The following SYT12 variants were observed in gnomAD, a reference collection of about 807,000 sequenced individuals.
SYT12 encodes the protein synaptotagmin-12.
In SYT12, 27 loss-of-function variants were observed where a neutral mutation model predicts 39.5. The ratio of observed to expected loss-of-function variants is 0.68; its 90% CI spans 0.50 to 0.94. The LOEUF is 0.94. SYT12 is among the 40% of genes least tolerant of loss of function. The probability of loss-of-function intolerance (pLI) is 0.00; values close to 1 mark genes in which losing one functional copy is unlikely to be tolerated. For missense variants in SYT12, 536 were observed against 572.6 expected (o/e 0.94, Z 0.65); for synonymous variants, 233 against 239.7 (o/e 0.97, Z 0.26).
intron 4 of SYT12, 103 bp from the exon 5 acceptor site, chr11:67,043,533 CAG>C: frequency 9.4e-7 from 1 of 1,066,014 alleles, no homozygotes. Context: ...GTCAAGACAA[CAG>C]AGCCAGGACT....
At chr11:67,048,432 C>T in intron 7 of SYT12, 152 bp from the exon 8 acceptor site, 3 of 727,464 alleles carry the variant, frequency 4.1e-6, no homozygotes, top group Non-Finnish European at 4.3e-6. Flanking sequence ...TGACCTGGGG[C>T]AAGTCTCCTC....
At chr11:67,031,037 AC>A (rs1950256897) in intron 2 of SYT12, 1 of 151,966 alleles carries the variant, frequency 6.6e-6, no homozygotes, top group Non-Finnish European at 1.5e-5. Context: ...CCCGGGAATC[AC>A]CTTTCCCATC....
At position 67,048,827 on chromosome 11, in the gene SYT12, C is replaced by T; in HGVS notation, c.*70C>T. On this transcript the variant is annotated 3_prime_UTR_variant, in exon 8 of 8. Coordinates refer to ENST00000527043, the MANE Select transcript of SYT12 (RefSeq NM_177963.4). ...TACCCACTCAGCTCTGTCTGATGCC[C>T]TCTCCATAGCCCAGCTGGAGCCGTG... 1.7e-5 allele frequency: 26 copies of T among 1,519,722 alleles called. No individual in the cohort carries two copies. The highest frequency in any genetic ancestry group is 2.2e-5 in the Non-Finnish European group (25 of 1,124,078). 94.1% of individuals were successfully genotyped at this position (1,519,722 alleles called of 1,614,324 possible). A position where few individuals can be genotyped will look rare whatever the true frequency, so the allele number is the denominator to read the frequency against.
At chr11:67,017,461 G>C (rs1481059142) in intron 3 of SYT12, among the ~76,000 whole-genome samples, 4 of 151,690 alleles carry the variant, frequency 2.6e-5, no homozygotes, top group Non-Finnish European at 4.4e-5. Flanking sequence ...CTGGGTTCAA[G>C]TGATTCTTCT....
chr11:67,049,463 T>C lies in SYT12; in HGVS notation c.*706T>C, dbSNP rs922229787. On this transcript the variant is annotated 3_prime_UTR_variant, in exon 8 of 8. Transcript: ENST00000527043. The stretch of plus-strand genomic sequence containing the variant: ...GCCACGTGGAACACTGGCTCCGGAG[T>C]TATTCTCTGTCAAATCTACTCCCCG... 6.6e-6 allele frequency: 1 copy of C among 151,872 alleles called. No individual in the cohort carries two copies. Among genetic ancestry groups the C allele is most frequent in the Non-Finnish European group, 1.5e-5 (1 of 67,998 alleles). The allele number at this position is 151,872 out of a possible 1,614,324, so 9.4% of individuals were successfully genotyped here.
upstream of SYT12, among the ~76,000 whole-genome samples, chr11:67,019,270 C>T (rs538339879): frequency 1.3e-5 from 2 of 151,948 alleles, no homozygotes; most frequent in Admixed American, 6.6e-5. Context: ...GTCGGAAGCT[C>T]GAGACCAGCC....
At chr11:67,036,315 A>G (rs1950379910) in intron 3 of SYT12, among the ~76,000 whole-genome samples, 1 of 152,144 alleles carries the variant, frequency 6.6e-6, no homozygotes, top group Admixed American at 6.5e-5. Flanking sequence ...TCTTTTTTGT[A>G]CATGTGCCAT....
chr11:67,023,991 G>A (rs1055165676), intron 1 of SYT12, among the ~76,000 whole-genome samples: 2 of 152,180 alleles, frequency 1.3e-5, no homozygotes, highest in African/African-American at 4.8e-5. Flanking sequence ...CTGAGTGGGG[G>A]GCTTTCCAGA....
At chr11:67,037,545 T>C (rs902275129) in intron 3 of SYT12, among the ~76,000 whole-genome samples, 6 of 145,054 alleles carry the variant, frequency 4.1e-5, no homozygotes, top group African/African-American at 1.5e-4. Context: ...ATCTCATCTC[T>C]ACCAAAATAA....
intron 3 of SYT12, among the ~76,000 whole-genome samples, chr11:67,036,997 C>G (rs1425745020): frequency 6.6e-6 from 1 of 152,162 alleles, no homozygotes; most frequent in Non-Finnish European, 1.5e-5. Context: ...TGCTTGAACC[C>G]AGAAGGTGGA....
chr11:67,048,360 A>G (rs1054056088), intron 7 of SYT12, among the ~76,000 whole-genome samples: 2 of 151,858 alleles, frequency 1.3e-5, no homozygotes, highest in Non-Finnish European at 2.9e-5. Context: ...GGAGGCAGCA[A>G]GAGAAACCTG....
chr11:67,033,952 C>T (rs550822511), intron 2 of SYT12, among the ~76,000 whole-genome samples: 1 of 152,272 alleles, frequency 6.6e-6, no homozygotes, highest in African/African-American at 2.4e-5. Context: ...GACTCATCAG[C>T]AGAGCAAAAG....
intron 3 of SYT12, among the ~76,000 whole-genome samples, chr11:67,038,902 GC>G (rs940330765): frequency 6.6e-6 from 1 of 152,000 alleles, no homozygotes; most frequent in African/African-American, 2.4e-5. Flanking sequence ...CAGGAGAATT[GC>G]TTGAACCCAG....
intron 1 of SYT12, among the ~76,000 whole-genome samples, chr11:67,024,925 C>T (rs116457147): frequency 0.01 from 1,527 of 152,278 alleles, 30 homozygotes; most frequent in African/African-American, 0.034. Context: ...CCCTCTCCCC[C>T]GCCGAGGCAC....
At chr11:67,016,502 C>G (rs1291882279) in intron 3 of SYT12, among the ~76,000 whole-genome samples, 3 of 152,152 alleles carry the variant, frequency 2.0e-5, no homozygotes, top group Admixed American at 6.5e-5. Context: ...AGATGTAAAT[C>G]ACTTCTCGGC....
At position 67,045,872 on chromosome 11, in the gene SYT12, C is replaced by T. The variant is rs765290492; in HGVS notation, c.1087C>T (p.Leu363Phe). The change falls in exon 7 of 8, where the codon CTC becomes TTC. Residue 363 changes from leucine (L) to phenylalanine (F), a missense_variant. Physicochemically the swap from Leu to Phe is conservative, Grantham distance 22. Transcript: ENST00000527043. Reference sequence around the variant, plus strand: ...GATCTTCTCGGTGCCAGCCATTGTGCTCCAGGTGAGGGGGGCTGGGGGATG... The same window carrying T: ...GATCTTCTCGGTGCCAGCCATTGTGTTCCAGGTGAGGGGGGCTGGGGGATG... The part of the protein sequence containing the change: ...AMIFSVPAIV[L>F]QDLSLRVTVA... The T allele has an allele frequency of 6.1e-5, 98 of 1,612,872 alleles. No homozygotes were observed. The highest frequency in any genetic ancestry group is 4.4e-5 in the Non-Finnish European group (52 of 1,179,504).
Position 67,048,463 on chromosome 11 carries a change from G to A in SYT12, c.1093-121G>A, listed in dbSNP as rs931989866. On this transcript the variant is annotated intron_variant, in intron 7 of 7. Transcript: ENST00000527043. ...TCCTCACCTCTTAGATCAGAGGTGA[G>A]GATTCAGGGAGCTGTGCCTGGCACC... The A allele has an allele frequency of 2.0e-5, 21 of 1,034,988 alleles. No homozygotes were observed. In the African/African-American group the frequency reaches 3.2e-4, roughly 16 times the overall value. 64.1% of individuals were successfully genotyped at this position (1,034,988 alleles called of 1,614,324 possible).
At chr11:67,035,813 C>CCTTCCTTG (rs1950360443) in intron 3 of SYT12, among the ~76,000 whole-genome samples, 1 of 74,510 alleles carries the variant, frequency 1.3e-5, no homozygotes, top group East Asian at 4.0e-4. Context: ...TTCCTTCCTT[C>CCTTCCTTG]CTTCCTTCCT....
intron 3 of SYT12, among the ~76,000 whole-genome samples, chr11:67,035,358 C>CT: frequency 6.6e-6 from 1 of 150,558 alleles, no homozygotes; most frequent in Admixed American, 6.6e-5. Flanking sequence ...CAAAATGCTC[C>CT]TTGCAGAGCA....
Sources: allele counts gnomAD v4.1 joint callset (sites outside exome capture counted in the v4.1 genomes callset), GRCh38; gene constraint gnomAD v4.1.1; transcripts MANE v1.5; gene names NCBI Gene and HGNC (gene_info 2026-07-23, HGNC 2026-07-21).